PHF10: variants seen among roughly 807,000 people sequenced by gnomAD.
The protein encoded by PHF10 is BRG1-associated factor 45a.
A neutral mutation model predicts 68.5 loss-of-function variants in PHF10; 51 were observed. That is an observed-to-expected ratio of 0.74 (90% CI 0.59 to 0.94). PHF10 has a LOEUF of 0.94. PHF10 is among the 40% of genes least tolerant of loss of function. PHF10 has a pLI of 0.00. For synonymous variants in PHF10, 204 were observed against 203.5 expected (o/e 1.00, Z -0.02); for missense variants, 460 against 602.6 (o/e 0.76, Z 2.48).
chr6:169,704,998 A>G (rs1012362379), intron 11 of PHF10, 135 bp downstream of exon 11: 1 of 570,350 alleles, frequency 1.8e-6, no homozygotes, highest in Non-Finnish European at 3.0e-6. Context: ...TGACCTGTAT[A>G]ATCACAGCTT....
intron 9 of PHF10, among the ~76,000 whole-genome samples, chr6:169,706,104 A>G (rs1430659399): frequency 6.6e-6 from 1 of 152,228 alleles, no homozygotes; most frequent in Non-Finnish European, 1.5e-5. Flanking sequence ...TAAAAAGACC[A>G]TTTTAAATAG....
At chr6:169,711,207 C>T (rs1197063538) in intron 8 of PHF10, among the ~76,000 whole-genome samples, 1 of 151,940 alleles carries the variant, frequency 6.6e-6, no homozygotes, top group South Asian at 2.1e-4. Flanking sequence ...TTTTAAAATA[C>T]AAAACTGGAT....
chr6:169,704,599 A>T (rs1788707647), intron 11 of PHF10: 1 of 169,674 alleles, frequency 5.9e-6, no homozygotes, highest in Non-Finnish European at 1.4e-5. Context: ...GATTCCCAGG[A>T]AACTTCGTTG....
chr6:169,708,238 G>A (rs185032675), intron 9 of PHF10: 1 of 152,262 alleles, frequency 6.6e-6, no homozygotes, highest in East Asian at 1.9e-4. Context: ...TTTCATGGTA[G>A]CAATAATATA....
At chr6:169,713,410 C>G (rs866089562) in intron 7 of PHF10, among the ~76,000 whole-genome samples, 1 of 151,880 alleles carries the variant, frequency 6.6e-6, no homozygotes, top group African/African-American at 2.4e-5. Context: ...ACCAGCCTGG[C>G]CAACATGGTG....
At chr6:169,707,272 C>CCT (rs1788824050) in intron 9 of PHF10, 1 of 152,046 alleles carries the variant, frequency 6.6e-6, no homozygotes, top group Non-Finnish European at 1.5e-5. Context: ...GTGTAGTTAC[C>CCT]CTCTGTTGTT....
chr6:169,718,946 T>A, intron 2 of PHF10, 28 bp from the exon 3 acceptor site: 3 of 1,386,992 alleles, frequency 2.2e-6, no homozygotes, highest in Non-Finnish European at 3.0e-6. Flanking sequence ...TATTATGCAT[T>A]AAATGTAGCT....
intron 8 of PHF10, among the ~76,000 whole-genome samples, chr6:169,710,871 T>G (rs1164418759): frequency 6.6e-6 from 1 of 152,218 alleles, no homozygotes; most frequent in South Asian, 2.1e-4. Context: ...AAGTACACAT[T>G]TGTGTTTTCA....
At chr6:169,715,104 C>T (rs181428374) in intron 6 of PHF10, among the ~76,000 whole-genome samples, 3 of 152,284 alleles carry the variant, frequency 2.0e-5, no homozygotes, top group Admixed American at 1.3e-4. Flanking sequence ...GTAGCTTATA[C>T]GACCTCTCTG....
chr6:169,710,128 T>G (rs1189421929), intron 9 of PHF10, 108 bp downstream of exon 9: 2 of 754,802 alleles, frequency 2.6e-6, no homozygotes, highest in African/African-American at 3.6e-5. Flanking sequence ...GAAGAACAGC[T>G]AGTGAGGTAC....
At chr6:169,723,097 C>A (rs530180348) in intron 1 of PHF10, among the ~76,000 whole-genome samples, 1 of 152,348 alleles carries the variant, frequency 6.6e-6, no homozygotes, top group East Asian at 1.9e-4. Context: ...CACGGCACAC[C>A]GCGCACCGCA....
intron 7 of PHF10, among the ~76,000 whole-genome samples, chr6:169,713,624 A>G (rs1382964762): frequency 6.6e-6 from 1 of 152,070 alleles, no homozygotes. Context: ...AAATTTGAAG[A>G]AAAACTTTTA....
At chr6:169,715,176 GAA>G (rs1348565946) in intron 6 of PHF10, among the ~76,000 whole-genome samples, 1 of 152,060 alleles carries the variant, frequency 6.6e-6, no homozygotes, top group Non-Finnish European at 1.5e-5. Context: ...GTTACTATGA[GAA>G]TTAACATGCA....
At chr6:169,709,643 T>C (rs1220776400) in intron 9 of PHF10, 3 of 152,232 alleles carry the variant, frequency 2.0e-5, no homozygotes, top group African/African-American at 7.2e-5. Context: ...GTTTTAATTC[T>C]TGCCATAGAA....
In PHF10 at chr6:169,721,080, G is replaced by T. The variant is rs1053079491; in HGVS notation, c.119C>A (p.Thr40Asn). 1.2e-5 allele frequency: 18 copies of T among 1,542,776 alleles called. No homozygotes were observed. The African/African-American group carries it at 2.2e-4, about 19-fold the overall frequency. The change falls in exon 2 of 12, where the codon ACC becomes AAC. Residue 40 changes from threonine to asparagine, a missense_variant. By Grantham distance (65) the Thr-to-Asn change is moderately conservative. This residue lies in a region of PHF10 where 93 missense variants were observed against 82.4 expected (regional missense o/e 1.13). Transcript: ENST00000339209. ...DDNEDNSNDG[T>N]QPSKRRRMGS... ...CATTCGCCTCCTTTTGGATGGCTGG[G>T]TCCCATCATTTGAATTATCTTCATT...
At chr6:169,704,358 C>G (rs1451550620) in intron 11 of PHF10, 3 of 396,694 alleles carry the variant, frequency 7.6e-6, no homozygotes, top group African/African-American at 6.3e-5. Context: ...TACAATCTTT[C>G]CTGAAATTCA....
intron 8 of PHF10, among the ~76,000 whole-genome samples, chr6:169,711,473 T>A (rs912331415): frequency 7.9e-5 from 12 of 152,212 alleles, no homozygotes; most frequent in Non-Finnish European, 1.5e-4. Context: ...ACTAGTGGAT[T>A]TGCTAGGTCA....
chr6:169,723,946 C>T lies in PHF10; in HGVS notation c.-15G>A, dbSNP rs1394511306. 1.1e-6 allele frequency: 1 copy of T among 893,702 alleles called. No individual in the cohort carries two copies. Among genetic ancestry groups the T allele is most frequent in the Non-Finnish European group, 1.3e-6 (1 of 745,326 alleles). The allele number at this position is 893,702 out of a possible 1,614,324, so 55.4% of individuals were successfully genotyped here. On this transcript the variant is annotated 5_prime_UTR_variant, in exon 1 of 12. Coordinates refer to ENST00000339209, the MANE Select transcript of PHF10 (RefSeq NM_018288.4). ...GCCGCCGCCATCAGCCCGAGCGCCCCGCGCCGCCGCCGCCGCCGTCGCCTC... is the reference window on the plus strand; with the variant it reads ...GCCGCCGCCATCAGCCCGAGCGCCCTGCGCCGCCGCCGCCGCCGTCGCCTC...
chr6:169,704,317 T>C (rs1335984915), intron 11 of PHF10: 2 of 476,168 alleles, frequency 4.2e-6, no homozygotes, highest in Non-Finnish European at 7.5e-6. Flanking sequence ...AGAGATGCAA[T>C]GCCATACGGT....
Sources: gnomAD v4.1 joint callset for allele counts (sites outside exome capture counted in the v4.1 genomes callset) on GRCh38, gnomAD v4.1.1 for gene constraint, gnomAD v4.1.1 regional missense constraint, MANE v1.5 for transcripts, NCBI Gene and HGNC (gene_info 2026-07-23, HGNC 2026-07-21) for gene names.